The following ASPH variants were observed in gnomAD, a reference collection of about 807,000 sequenced individuals.
The protein encoded by ASPH is aspartate beta-hydroxylase.
Under a neutral mutation model 118.4 loss-of-function variants are expected in ASPH, and 100 were observed. The ratio of observed to expected loss-of-function variants is 0.84; its 90% confidence interval spans 0.72 to 1.00. The LOEUF is 1.00. Ranked by LOEUF, ASPH falls within the 50% of genes least tolerant of loss-of-function variation. The pLI is 0.00. For synonymous variants in ASPH, 315 were observed against 325.6 expected, an observed-to-expected ratio of 0.97 and a Z score of 0.35; for missense variants, 920 against 919.5, an observed-to-expected ratio of 1.00 and a Z score of -0.01.
At chr8:61,655,234 G>A (rs928897975) in intron 3 of ASPH, among the ~76,000 whole-genome samples, 1 of 152,146 alleles carries the variant, frequency 6.6e-6, no homozygotes, top group African/African-American at 2.4e-5. Flanking sequence ...TCCCTGCAGG[G>A]CCAGGGCTTC....
chr8:61,507,594 A>G (rs937887320), intron 24 of ASPH, among the ~76,000 whole-genome samples: 2 of 152,186 alleles, frequency 1.3e-5, no homozygotes, highest in Non-Finnish European at 2.9e-5. Flanking sequence ...AAAACATCCT[A>G]CAAGCCATGT....
chr8:61,545,324 A>T (rs1237433607), intron 21 of ASPH, among the ~76,000 whole-genome samples: 1 of 152,202 alleles, frequency 6.6e-6, no homozygotes, highest in Non-Finnish European at 1.5e-5. Context: ...CCAGACACTG[A>T]ATCTGCTAAC....
chr8:61,689,581 C>T, intron 1 of ASPH: 3 of 1,330,492 alleles, frequency 2.3e-6, no homozygotes, highest in Non-Finnish European at 3.1e-6. Context: ...AGCACTTAGC[C>T]AAAAATATTT....
intron 4 of ASPH, among the ~76,000 whole-genome samples, chr8:61,651,629 C>G (rs1049175355): frequency 1.2e-4 from 18 of 152,180 alleles, no homozygotes; most frequent in Admixed American, 1.0e-3. Flanking sequence ...TCAGAGGTAG[C>G]CGACTGCTCT....
chr8:61,620,741 C>G (rs575673321), intron 13 of ASPH, among the ~76,000 whole-genome samples: 1 of 152,350 alleles, frequency 6.6e-6, no homozygotes, highest in South Asian at 2.1e-4. Flanking sequence ...CCTGCAGGAA[C>G]ACTGCAACCC....
At chr8:61,579,582 A>G in intron 15 of ASPH, 2 of 1,524,694 alleles carry the variant, frequency 1.3e-6, no homozygotes, top group Non-Finnish European at 9.0e-7. Flanking sequence ...CCTCAGCCGC[A>G]CCAGTTCCTC....
intron 2 of ASPH, among the ~76,000 whole-genome samples, chr8:61,683,007 T>C (rs1828862591): frequency 6.6e-6 from 1 of 152,108 alleles, no homozygotes. Flanking sequence ...GGTGTGCCCA[T>C]ATGATGGAAT....
intron 14 of ASPH, among the ~76,000 whole-genome samples, chr8:61,615,549 A>T (rs948238693): frequency 6.6e-6 from 1 of 152,228 alleles, no homozygotes; most frequent in Non-Finnish European, 1.5e-5. Context: ...CCTGGACATC[A>T]TAAGTACTCA....
chr8:61,500,566 A>G lies in ASPH; in HGVS notation c.*2793T>C. ...ACTAGAAATGCAGGATGAAATGTCA[A>G]AGGTCATTTTATTTACCTAGTCTCC... On this transcript the variant is annotated 3_prime_UTR_variant, in exon 25 of 25. Coordinates refer to ENST00000379454, the MANE Select transcript of ASPH (RefSeq NM_004318.4). 6.6e-6 allele frequency: 1 copy of G among 152,234 alleles called. No individual in the cohort carries two copies. The highest frequency in any genetic ancestry group is 1.9e-4 in the East Asian group (1 of 5,208). 9.4% of individuals were successfully genotyped at this position (152,234 alleles called of 1,614,324 possible).
intron 13 of ASPH, chr8:61,626,413 A>T: frequency 8.1e-7 from 1 of 1,238,488 alleles, no homozygotes; most frequent in Non-Finnish European, 1.0e-6. Context: ...GTTTTTAAGG[A>T]CAACTTGGTA....
intron 1 of ASPH, among the ~76,000 whole-genome samples, chr8:61,711,766 A>C (rs1425841336): frequency 6.6e-6 from 1 of 152,218 alleles, no homozygotes; most frequent in Non-Finnish European, 1.5e-5. Context: ...TAATGTGACC[A>C]ATGCCGTCAT....
At chr8:61,669,884 T>A (rs934327735) in intron 3 of ASPH, among the ~76,000 whole-genome samples, 1 of 152,190 alleles carries the variant, frequency 6.6e-6, no homozygotes, top group Non-Finnish European at 1.5e-5. Context: ...ACCAAAATAT[T>A]AGATTAGCAT....
At position 61,689,417 on chromosome 8, in the gene ASPH, A is replaced by G. The variant is rs184347218; in HGVS notation, c.104-5229T>C. 3.7e-3 allele frequency among the ~76,000 whole-genome samples: 565 copies of G among 152,302 alleles called. 1 individual carries two copies. The highest frequency in any genetic ancestry group is 0.013 in the African/African-American group (523 of 41,594). On this transcript the variant is annotated intron_variant, in intron 1 of 24. Transcript: ENST00000379454. ...ACATTTTTTGAAATTTGTAAAATGC[A>G]GCCTCCAGTAGTACAACATACTAAA...
rs957904313 is a variant in ASPH, at chr8:61,619,135, A to G, written c.935-116T>C. 7.7e-6 allele frequency: 5 copies of G among 648,510 alleles called. No individual in the cohort carries two copies. The South Asian group carries it at 1.0e-4, about 13-fold the overall frequency. The allele number at this position is 648,510 out of a possible 1,614,324, so 40.2% of individuals were successfully genotyped here. On this transcript the variant is annotated intron_variant, in intron 13 of 24. Transcript: ENST00000379454. The stretch of plus-strand genomic sequence containing the variant: ...GTATAATCAAAGAAAAATATATCTG[A>G]GCATACAATTCAATTTTCCTAAATC...
intron 7 of ASPH, among the ~76,000 whole-genome samples, chr8:61,644,329 T>C (rs1270780980): frequency 6.6e-6 from 1 of 152,230 alleles, no homozygotes. Context: ...TCGTTGACTC[T>C]GTAATTGAAA....
At chr8:61,540,818 C>A (rs1216987999) in intron 21 of ASPH, among the ~76,000 whole-genome samples, 1 of 152,106 alleles carries the variant, frequency 6.6e-6, no homozygotes, top group Non-Finnish European at 1.5e-5. Context: ...TCAGGCCAGG[C>A]GCAGTGGTTC....
rs752722553 is a variant in ASPH, at chr8:61,567,262, G to A, written c.1206C>T (p.Ile402=). The part of the protein sequence containing the change: ...RRSNEVLRGA[I]ETYQEVASLP... ...GGCTGGCCACCTCTTGGTAGGTCTC[G>A]ATGGCTCCACGTAGCACCTCATTAC... Residue 402 remains isoleucine, a synonymous_variant, in exon 17 of 25, where the codon ATC becomes ATT. Transcript: ENST00000379454. 8 of 1,613,936 alleles carry A rather than the reference G, an allele frequency of 5.0e-6. No individual in the cohort carries two copies. Among genetic ancestry groups the A allele is most frequent in the African/African-American group, 1.3e-5 (1 of 74,884 alleles).
Position 61,502,573 on chromosome 8 carries a change from T to A in ASPH, c.*786A>T, listed in dbSNP as rs1018389457. On this transcript the variant is annotated 3_prime_UTR_variant, in exon 25 of 25. Transcript: ENST00000379454. The stretch of plus-strand genomic sequence containing the variant: ...GCTCTAATAATTGGCATTAAAAAAA[T>A]TTGCATCTGGGATTTTTATAACAAT... 2.0e-5 allele frequency: 3 copies of A among 152,184 alleles called. No homozygotes were observed. Among genetic ancestry groups the A allele is most frequent in the African/African-American group, 7.2e-5 (3 of 41,446 alleles). The allele number at this position is 152,184 out of a possible 1,614,324, so 9.4% of individuals were successfully genotyped here. A position where few individuals can be genotyped will look rare whatever the true frequency, so the allele number is the denominator to read the frequency against.
chr8:61,588,361 A>C (rs184960631), intron 14 of ASPH, among the ~76,000 whole-genome samples: 2 of 152,366 alleles, frequency 1.3e-5, no homozygotes, highest in African/African-American at 4.8e-5. Flanking sequence ...GGAGGAAAAC[A>C]CTAGTGATGC....
Sources: allele counts gnomAD v4.1 joint callset (sites outside exome capture counted in the v4.1 genomes callset), GRCh38; gene constraint gnomAD v4.1.1; transcripts MANE v1.5; gene names NCBI Gene and HGNC (gene_info 2026-07-23, HGNC 2026-07-21).